CPNE2: variants seen among roughly 807,000 people sequenced by gnomAD.
The protein encoded by CPNE2 is copine-2.
CPNE2 carries 42 observed loss-of-function variants against 69.7 expected under a neutral mutation model. The observed-to-expected ratio is 0.60, with a 90% confidence interval of 0.47 to 0.78. The LOEUF (loss-of-function observed/expected upper bound fraction) is 0.78, where lower values mean the gene tolerates loss of function less well. Ranked by LOEUF, CPNE2 falls within the 30% of genes least tolerant of loss-of-function variation. The pLI is 0.00. For missense variants in CPNE2, 587 were observed against 732.0 expected (o/e 0.80, Z 2.29); for synonymous variants, 294 against 289.8 (o/e 1.01, Z -0.15).
rs1222762225 is a variant in CPNE2 at position 57,121,176 on chromosome 16, T to C, written c.765T>C (p.Ala255=). 1.9e-6 allele frequency: 3 copies of C among 1,613,904 alleles called. No individual in the cohort carries two copies. The highest frequency in any genetic ancestry group is 2.5e-6 in the Non-Finnish European group (3 of 1,179,900). ...FQTSVSQMCE[A]RDSVPLEFEC... ...CCTCAGTGTCACAGATGTGTGAGGC[T>C]CGAGACAGCGTCCCGGTGAGATGGG... Residue 255 remains alanine, a synonymous_variant, in exon 8 of 16, where the codon GCT becomes GCC. Transcript: ENST00000290776.
At chr16:57,107,893 C>T (rs1357847414) in intron 1 of CPNE2, among the ~76,000 whole-genome samples, 1 of 123,710 alleles carries the variant, frequency 8.1e-6, no homozygotes, top group African/African-American at 3.2e-5. Flanking sequence ...TTTTTTGAGA[C>T]AGTGTCTTGC....
intron 1 of CPNE2, chr16:57,106,270 G>A (rs3213416): frequency 0.019 from 2,848 of 148,312 alleles, 92 homozygotes; most frequent in East Asian, 0.19. Flanking sequence ...AGCCGATCCA[G>A]GTGGAGTTGC....
At chr16:57,123,738 G>A (rs1347171716) in intron 10 of CPNE2, 1 of 515,224 alleles carries the variant, frequency 1.9e-6, no homozygotes, top group East Asian at 3.1e-5. Context: ...TGCGGGTGGA[G>A]GAAAACAAAT....
At chr16:57,138,161 A>G (rs760313426) in intron 14 of CPNE2, among the ~76,000 whole-genome samples, 17 of 152,094 alleles carry the variant, frequency 1.1e-4, no homozygotes, top group Non-Finnish European at 2.1e-4. Context: ...ACTTGACTCC[A>G]ATTCCTTTCT....
At chr16:57,096,988 G>A (rs2069581869) in intron 1 of CPNE2, among the ~76,000 whole-genome samples, 1 of 152,022 alleles carries the variant, frequency 6.6e-6, no homozygotes, top group African/African-American at 2.4e-5. Context: ...AAGGCCCTGT[G>A]GTGGGGACAT....
intron 1 of CPNE2, among the ~76,000 whole-genome samples, chr16:57,097,409 G>T (rs1335641238): frequency 6.6e-6 from 1 of 152,152 alleles, no homozygotes; most frequent in Non-Finnish European, 1.5e-5. Context: ...TGGCTGCATG[G>T]TGAGGGAAGC....
chr16:57,121,673 G>A lies in CPNE2; in HGVS notation c.781-1G>A. On this transcript the variant is annotated splice_acceptor_variant, in intron 8 of 15. Transcript: ENST00000290776. LOFTEE classifies it high-confidence loss of function. ...GTGTCTCTTTCTTTTGCGTTGCCCA[G>A]CTGGAGTTCGAGTGCATCAACCCCA... is the stretch of plus-strand genomic sequence containing the variant. 6.2e-7 allele frequency: 1 copy of A among 1,614,058 alleles called. No homozygotes were observed. The highest frequency in any genetic ancestry group is 8.5e-7 in the Non-Finnish European group (1 of 1,179,964).
intron 1 of CPNE2, among the ~76,000 whole-genome samples, chr16:57,095,456 T>C (rs1249701218): frequency 6.6e-6 from 1 of 152,180 alleles, no homozygotes; most frequent in Non-Finnish European, 1.5e-5. Context: ...TTTCTTTCTT[T>C]CTTCCTTTTT....
At chr16:57,134,971 G>T in intron 13 of CPNE2, 145 bp downstream of exon 13, 1 of 903,236 alleles carries the variant, frequency 1.1e-6, no homozygotes, top group Non-Finnish European at 1.7e-6. Flanking sequence ...AGAGGGGGAA[G>T]AGCTGCAGTT....
rs1410442231 is a variant in CPNE2, at chr16:57,147,482, C to T, written c.1540-69C>T. The stretch of plus-strand genomic sequence containing the variant: ...CTGTAGCAGCCCTCTGGGCATAGTG[C>T]CGCTCACAACTTCCGGTCATTAATC... On this transcript the variant is annotated intron_variant, in intron 15 of 15. Transcript: ENST00000290776. 9 of 1,178,676 alleles carry T rather than the reference C, an allele frequency of 7.6e-6. No homozygotes were observed. The African/African-American group carries it at 1.1e-4, about 14-fold the overall frequency. The allele number at this position is 1,178,676 out of a possible 1,614,324, so 73.0% of individuals were successfully genotyped here. A position where few individuals can be genotyped will look rare whatever the true frequency, so the allele number is the denominator to read the frequency against.
intron 11 of CPNE2, among the ~76,000 whole-genome samples, chr16:57,126,586 T>C (rs2069803048): frequency 6.6e-6 from 1 of 152,178 alleles, no homozygotes; most frequent in Non-Finnish European, 1.5e-5. Flanking sequence ...GACATCACTG[T>C]CACAGATGGT....
At chr16:57,147,515 T>A in intron 15 of CPNE2, 36 bp from the exon 16 acceptor site, 1 of 1,440,734 alleles carries the variant, frequency 6.9e-7, no homozygotes, top group Non-Finnish European at 9.5e-7. Flanking sequence ...ATCCTTATTC[T>A]CTCTCTTCCC....
At chr16:57,137,341 G>C in intron 14 of CPNE2, 59 bp downstream of exon 14, 1 of 1,594,236 alleles carries the variant, frequency 6.3e-7, no homozygotes, top group Non-Finnish European at 8.6e-7. Flanking sequence ...CTGGGCTGGG[G>C]GGCAGGATAT....
intron 2 of CPNE2, among the ~76,000 whole-genome samples, chr16:57,112,205 C>T (rs2069685725): frequency 6.6e-6 from 1 of 152,234 alleles, no homozygotes; most frequent in Admixed American, 6.5e-5. Context: ...GAAACAGGGG[C>T]CCCAGAGTGG....
chr16:57,095,545 T>C (rs1483479891), intron 1 of CPNE2, among the ~76,000 whole-genome samples: 6 of 152,238 alleles, frequency 3.9e-5, no homozygotes, highest in Non-Finnish European at 8.8e-5. Context: ...TGATCTCAGC[T>C]CACTGCAACC....
At chr16:57,119,154 G>GA in intron 5 of CPNE2, 41 bp from the exon 6 acceptor site, 1 of 1,574,492 alleles carries the variant, frequency 6.4e-7, no homozygotes. Context: ...GAACCTAGCA[G>GA]GGCTGTACCT....
At chr16:57,138,124 GC>G (rs2145279586) in intron 14 of CPNE2, among the ~76,000 whole-genome samples, 1 of 152,312 alleles carries the variant, frequency 6.6e-6, no homozygotes, top group South Asian at 2.1e-4. Flanking sequence ...CAGGCACCCA[GC>G]CCAGATGCTG....
chr16:57,111,289 G>A (rs1022041765), intron 2 of CPNE2, among the ~76,000 whole-genome samples: 1 of 150,980 alleles, frequency 6.6e-6, no homozygotes, highest in South Asian at 2.1e-4. Context: ...CAATTCTCCT[G>A]CCTCAGCCTC....
chr16:57,106,590 G>A (rs1458829730), intron 1 of CPNE2, among the ~76,000 whole-genome samples: 2 of 151,888 alleles, frequency 1.3e-5, no homozygotes, highest in Non-Finnish European at 2.9e-5. Flanking sequence ...CTGGGCGTGT[G>A]TGCCTGACAC....
Sources: allele counts gnomAD v4.1 joint callset (sites outside exome capture counted in the v4.1 genomes callset), GRCh38; gene constraint gnomAD v4.1.1; transcripts MANE v1.5; gene names NCBI Gene and HGNC (gene_info 2026-07-23, HGNC 2026-07-21).